The following ZCWPW2 variants were observed in gnomAD, a reference collection of about 807,000 sequenced individuals.
The protein encoded by ZCWPW2 is zinc finger CW-type PWWP domain protein 2.
ZCWPW2 carries 45 observed loss-of-function variants against 46.6 expected under a neutral mutation model. The ratio of observed to expected loss-of-function variants is 0.96; its 90% CI spans 0.76 to 1.24. ZCWPW2 has a LOEUF of 1.24. Ranked by LOEUF, ZCWPW2 falls within the 50% of genes most tolerant of loss-of-function variation. ZCWPW2 has a pLI of 0.00. For missense variants in ZCWPW2, 429 were observed against 403.9 expected (o/e 1.06, Z -0.53); for synonymous variants, 152 against 137.1 (o/e 1.11, Z -0.76).
chr3:28,451,591 A>G (rs954938045), intron 4 of ZCWPW2, among the ~76,000 whole-genome samples: 1 of 152,220 alleles, frequency 6.6e-6, no homozygotes, highest in African/African-American at 2.4e-5. Context: ...AAAGACCAAG[A>G]AGAACAGGCA....
chr3:28,360,106 G>A (rs917575585), intron 1 of ZCWPW2, among the ~76,000 whole-genome samples: 1 of 151,468 alleles, frequency 6.6e-6, no homozygotes, highest in Non-Finnish European at 1.5e-5. Flanking sequence ...AAGAGTGAAG[G>A]AACAGAAAAT....
chr3:28,373,459 T>G (rs768615669), intron 1 of ZCWPW2, among the ~76,000 whole-genome samples: 49 of 152,102 alleles, frequency 3.2e-4, no homozygotes, highest in African/African-American at 6.0e-4. Context: ...TGTTGTTTTT[T>G]TTTGTTTGTT....
intron 2 of ZCWPW2, among the ~76,000 whole-genome samples, chr3:28,395,739 G>A (rs767637052): frequency 6.6e-5 from 10 of 152,080 alleles, no homozygotes; most frequent in Admixed American, 2.6e-4. Context: ...GGTGGTTACC[G>A]GAGGGCTTGG....
chr3:28,413,228 C>T lies in ZCWPW2; in HGVS notation c.160C>T (p.His54Tyr). 2.5e-6 allele frequency: 4 copies of T among 1,613,264 alleles called. 1 individual carries two copies. The African/African-American group carries it at 4.0e-5, about 16-fold the overall frequency. ...LSSEDSAKVD[H>Y]DEPWYCFMNT... The stretch of plus-strand genomic sequence containing the variant: ...AAGTGAGGATTCAGCCAAGGTTGAT[C>T]ATGATGAACCATGGTACTGCTTCAT... The change falls in exon 3 of 10, where the codon CAT becomes TAT. Residue 54 changes from histidine (H) to tyrosine (Y), a missense_variant. Transcript: ENST00000383768.
At chr3:28,352,541 G>T (rs948755947) in intron 1 of ZCWPW2, among the ~76,000 whole-genome samples, 3 of 152,146 alleles carry the variant, frequency 2.0e-5, no homozygotes, top group Admixed American at 6.6e-5. Flanking sequence ...TGAATGAGTA[G>T]TTAACTCTTT....
At position 28,525,414 on chromosome 3, in the gene ZCWPW2, CA is replaced by C. The variant is rs1298294154; in HGVS notation, c.*727del. Reference sequence around the variant, plus strand: ...TCTAACAATATAGAAAGTAAAAACTCATCATTTTTCAGGGATTCTCATGAAC... The same window carrying C: ...TCTAACAATATAGAAAGTAAAAACTCTCATTTTTCAGGGATTCTCATGAAC... On this transcript the variant is annotated 3_prime_UTR_variant, in exon 10 of 10. Transcript: ENST00000383768. Among the ~76,000 whole-genome samples, 2 of 152,108 alleles carry C rather than the reference CA, an allele frequency of 1.3e-5. No individual in the cohort carries two copies. Among genetic ancestry groups the C allele is most frequent in the South Asian group, 4.1e-4 (2 of 4,834 alleles).
intron 2 of ZCWPW2, among the ~76,000 whole-genome samples, chr3:28,402,534 C>T (rs1408365889): frequency 6.6e-6 from 1 of 152,090 alleles, no homozygotes; most frequent in East Asian, 1.9e-4. Flanking sequence ...AAAGAGGGAA[C>T]CTTTCCTAAA....
At chr3:28,350,142 A>C (rs1248972958) in intron 1 of ZCWPW2, among the ~76,000 whole-genome samples, 1 of 152,112 alleles carries the variant, frequency 6.6e-6, no homozygotes, top group African/African-American at 2.4e-5. Context: ...AAATTTTTTT[A>C]TTGCTTCCAT....
At chr3:28,386,339 C>A (rs1329400017) in intron 1 of ZCWPW2, among the ~76,000 whole-genome samples, 1 of 152,118 alleles carries the variant, frequency 6.6e-6, no homozygotes, top group East Asian at 1.9e-4. Context: ...TCACCAGAAA[C>A]AAAATCAGCC....
chr3:28,381,047 GGTGTATA>G (rs1342167399), intron 1 of ZCWPW2, among the ~76,000 whole-genome samples: 63 of 6,250 alleles, frequency 0.01, 10 homozygotes, highest in African/African-American at 0.028. Context: ...ATATATATTT[GGTGTATA>G]TATATATATA....
intron 5 of ZCWPW2, among the ~76,000 whole-genome samples, chr3:28,486,799 G>A (rs1324365525): frequency 1.3e-5 from 2 of 151,918 alleles, no homozygotes; most frequent in African/African-American, 4.8e-5. Context: ...CTGGGAGGTC[G>A]AGGCTGCAGT....
intron 1 of ZCWPW2, among the ~76,000 whole-genome samples, chr3:28,384,651 C>T (rs1477966531): frequency 2.8e-5 from 4 of 144,560 alleles, no homozygotes; most frequent in South Asian, 2.2e-4. Flanking sequence ...CTCACTCTGT[C>T]ACCCAGGCTG....
chr3:28,385,910 T>G (rs1019373977), intron 1 of ZCWPW2, among the ~76,000 whole-genome samples: 2 of 152,022 alleles, frequency 1.3e-5, no homozygotes, highest in Non-Finnish European at 2.9e-5. Flanking sequence ...TTTCTTACAC[T>G]CTCTTTATCT....
intron 4 of ZCWPW2, among the ~76,000 whole-genome samples, chr3:28,455,354 T>G (rs768649888): frequency 3.3e-5 from 5 of 152,216 alleles, no homozygotes; most frequent in Admixed American, 6.5e-5. Context: ...CTTATAAATT[T>G]GTTTAAGTTC....
At position 28,366,076 on chromosome 3, in the gene ZCWPW2, A is replaced by G. The variant is rs569362704; in HGVS notation, c.-134+16873A>G. 9.2e-5 allele frequency among the ~76,000 whole-genome samples: 14 copies of G among 152,032 alleles called. No individual in the cohort carries two copies. The East Asian group carries it at 1.9e-3, about 21-fold the overall frequency. On this transcript the variant is annotated intron_variant, in intron 1 of 9. Transcript: ENST00000383768. ...GATGGGGTTTTCTAGATATACAATC[A>G]TGTCATCTGCAAACAGGGATAATTT...
At chr3:28,408,876 A>G (rs552838552) in intron 2 of ZCWPW2, among the ~76,000 whole-genome samples, 2 of 152,254 alleles carry the variant, frequency 1.3e-5, no homozygotes, top group Non-Finnish European at 2.9e-5. Context: ...AATTATCTGA[A>G]TCTCTTTTGG....
At chr3:28,474,636 C>T (rs1296746699) in intron 4 of ZCWPW2, among the ~76,000 whole-genome samples, 2 of 151,190 alleles carry the variant, frequency 1.3e-5, no homozygotes, top group South Asian at 2.1e-4. Context: ...CGCGCGCGCG[C>T]GCACATGCGC....
intron 6 of ZCWPW2, among the ~76,000 whole-genome samples, chr3:28,493,618 A>G (rs1400484414): frequency 1.1e-5 from 1 of 90,628 alleles, no homozygotes; most frequent in Non-Finnish European, 2.4e-5. Context: ...ATACGTGTGC[A>G]TGTGTCTTTA....
chr3:28,521,636 T>A (rs1439483331), intron 9 of ZCWPW2, among the ~76,000 whole-genome samples: 2 of 152,228 alleles, frequency 1.3e-5, no homozygotes, highest in African/African-American at 4.8e-5. Context: ...GCTTTCTATG[T>A]TGAACTCAGA....
Sources: gnomAD v4.1 joint callset for allele counts (sites outside exome capture counted in the v4.1 genomes callset) on GRCh38, gnomAD v4.1.1 for gene constraint, MANE v1.5 for transcripts, NCBI Gene and HGNC (gene_info 2026-07-23, HGNC 2026-07-21) for gene names.